Variants in PDE4B observed in about 807,000 individuals in gnomAD.
PDE4B encodes 3',5'-cyclic-AMP phosphodiesterase 4B.
In PDE4B, 20 loss-of-function variants were observed where a neutral mutation model predicts 82.2. That is an observed-to-expected ratio of 0.24 (90% confidence interval 0.17 to 0.35). The LOEUF is 0.35. Ranked by LOEUF, PDE4B falls within the 10% of genes least tolerant of loss-of-function variation. The pLI is 1.00. For synonymous variants in PDE4B, 320 were observed against 318.9 expected (o/e 1.00, Z -0.04); for missense variants, 655 against 907.2 (o/e 0.72, Z 3.57).
chr1:66,107,739 T>G (rs1645397739), intron 3 of PDE4B, among the ~76,000 whole-genome samples: 1 of 151,940 alleles, frequency 6.6e-6, no homozygotes, highest in Non-Finnish European at 1.5e-5. Flanking sequence ...TAAGTCTTTC[T>G]GAAGATTGGA....
intron 16 of PDE4B, among the ~76,000 whole-genome samples, chr1:66,370,618 C>G (rs941321705): frequency 6.6e-6 from 1 of 152,164 alleles, no homozygotes; most frequent in Admixed American, 6.5e-5. Flanking sequence ...CAGTAAAGCT[C>G]TTTACTGGGT....
At chr1:66,313,875 G>C (rs1458145586) in intron 7 of PDE4B, among the ~76,000 whole-genome samples, 4 of 152,258 alleles carry the variant, frequency 2.6e-5, no homozygotes, top group African/African-American at 9.6e-5. Context: ...TCCTCCACTT[G>C]TTATGGATGC....
At chr1:66,366,253 A>G (rs886971480) in intron 13 of PDE4B, among the ~76,000 whole-genome samples, 3 of 152,114 alleles carry the variant, frequency 2.0e-5, no homozygotes, top group Non-Finnish European at 4.4e-5. Context: ...TTCAGAAGGA[A>G]GGGTCATTAA....
chr1:65,951,154 C>T (rs1259894173), intron 3 of PDE4B, among the ~76,000 whole-genome samples: 1 of 152,094 alleles, frequency 6.6e-6, no homozygotes, highest in Non-Finnish European at 1.5e-5. Flanking sequence ...CTTTACTTTT[C>T]TCTCTCCTTA....
At position 66,021,190 on chromosome 1, in the gene PDE4B, A is replaced by G. The variant is rs1167119037; in HGVS notation, c.281+102355A>G. Among the ~76,000 whole-genome samples the G allele has an allele frequency of 2.6e-4, 39 of 152,068 alleles. 1 individual carries two copies. Among genetic ancestry groups the G allele is most frequent in the East Asian group, 5.8e-4 (3 of 5,192 alleles). The stretch of plus-strand genomic sequence containing the variant: ...TTGATTTTTTCTTGTAAATTTGTTT[A>G]AGTTCATTGTAGATTCTGGATATTA... On this transcript the variant is annotated intron_variant, in intron 3 of 16. Transcript: ENST00000341517.
intron 9 of PDE4B, among the ~76,000 whole-genome samples, chr1:66,356,339 G>C (rs1662240427): frequency 6.6e-6 from 1 of 152,150 alleles, no homozygotes; most frequent in Non-Finnish European, 1.5e-5. Context: ...CGTGTTATTT[G>C]ATTATTTGGG....
intron 1 of PDE4B, among the ~76,000 whole-genome samples, chr1:65,881,834 G>T (rs145138409): frequency 5.3e-4 from 81 of 152,266 alleles, no homozygotes; most frequent in African/African-American, 1.9e-3. Flanking sequence ...TATTGTTAAA[G>T]TTGGTATGGC....
intron 3 of PDE4B, among the ~76,000 whole-genome samples, chr1:66,218,039 A>T (rs1026554830): frequency 2.6e-5 from 4 of 152,128 alleles, no homozygotes; most frequent in African/African-American, 9.7e-5. Context: ...TGGAGGAGAA[A>T]TTGAAGGCAG....
At chr1:66,176,179 A>G (rs1226290162) in intron 3 of PDE4B, among the ~76,000 whole-genome samples, 1 of 152,200 alleles carries the variant, frequency 6.6e-6, no homozygotes, top group African/African-American at 2.4e-5. Flanking sequence ...TGACTCAACA[A>G]AGGCAAGATT....
intron 3 of PDE4B, among the ~76,000 whole-genome samples, chr1:65,940,180 A>G (rs1648367076): frequency 6.6e-6 from 1 of 152,108 alleles, no homozygotes; most frequent in South Asian, 2.1e-4. Context: ...GTTATTGTAT[A>G]AAAAGTAGGG....
intron 3 of PDE4B, among the ~76,000 whole-genome samples, chr1:66,084,718 T>C (rs1656917469): frequency 6.6e-6 from 1 of 152,108 alleles, no homozygotes; most frequent in Non-Finnish European, 1.5e-5. Context: ...CTGCTTTTAG[T>C]CTTTTTTCAG....
chr1:65,980,572 G>A (rs1359178500), intron 3 of PDE4B, among the ~76,000 whole-genome samples: 3 of 152,120 alleles, frequency 2.0e-5, no homozygotes, highest in African/African-American at 7.2e-5. Flanking sequence ...TCTCATTTGT[G>A]TTCTCAATAT....
intron 3 of PDE4B, among the ~76,000 whole-genome samples, chr1:66,208,023 A>G (rs1365171070): frequency 6.6e-6 from 1 of 152,188 alleles, no homozygotes; most frequent in Admixed American, 6.5e-5. Context: ...AATTTTAAAT[A>G]AATCCTAAGG....
At chr1:66,186,102 C>G (rs2101437946) in intron 3 of PDE4B, among the ~76,000 whole-genome samples, 1 of 152,274 alleles carries the variant, frequency 6.6e-6, no homozygotes, top group South Asian at 2.1e-4. Flanking sequence ...AATCCTTTCC[C>G]CATTTCTTGT....
At chr1:66,178,631 A>G (rs988046396) in intron 3 of PDE4B, among the ~76,000 whole-genome samples, 5 of 152,182 alleles carry the variant, frequency 3.3e-5, no homozygotes, top group African/African-American at 9.7e-5. Context: ...GCTCTTAACT[A>G]AAAAGATTTT....
intron 1 of PDE4B, among the ~76,000 whole-genome samples, chr1:65,815,053 ATTTATTTAT>A (rs1386858411): frequency 1.6e-5 from 2 of 127,274 alleles, no homozygotes; most frequent in Admixed American, 7.9e-5. Flanking sequence ...TTATTTATTT[ATTTATTTAT>A]TTATTATTAT....
chr1:66,028,612 T>C (rs1176563850), intron 3 of PDE4B, among the ~76,000 whole-genome samples: 1 of 152,144 alleles, frequency 6.6e-6, no homozygotes, highest in Non-Finnish European at 1.5e-5. Flanking sequence ...CCTTATAAAA[T>C]TGAATGCCTT....
chr1:66,026,109 G>A (rs1653418974), intron 3 of PDE4B, among the ~76,000 whole-genome samples: 1 of 152,076 alleles, frequency 6.6e-6, no homozygotes, highest in Non-Finnish European at 1.5e-5. Flanking sequence ...CTTTATAAAT[G>A]AAACTGTACA....
At chr1:66,143,300 T>C (rs1182977035) in intron 3 of PDE4B, among the ~76,000 whole-genome samples, 1 of 152,186 alleles carries the variant, frequency 6.6e-6, no homozygotes, top group Non-Finnish European at 1.5e-5. Context: ...GTAAGGATGA[T>C]TCATTGAGTA....
Sources: allele counts gnomAD v4.1 joint callset (sites outside exome capture counted in the v4.1 genomes callset), GRCh38; gene constraint gnomAD v4.1.1; transcripts MANE v1.5; gene names NCBI Gene and HGNC (gene_info 2026-07-23, HGNC 2026-07-21).